LRRC4C: variants seen among roughly 807,000 people sequenced by gnomAD.
LRRC4C encodes leucine rich repeat containing 4C, also known as leucine-rich repeat-containing protein 4C.
In LRRC4C, 5 loss-of-function variants were observed where a neutral mutation model predicts 33.6. That is an observed-to-expected ratio of 0.15 (90% CI 0.08 to 0.31). LRRC4C has a LOEUF of 0.31. Among genes scored for constraint, LRRC4C ranks in the 10% least tolerant of loss-of-function variants. The pLI is 1.00. For synonymous variants in LRRC4C, 329 were observed against 302.0 expected, an observed-to-expected ratio of 1.09 and a Z score of -0.93; for missense variants, 560 against 796.7, an observed-to-expected ratio of 0.70 and a Z score of 3.58.
chr11:41,001,240 C>G (rs1416301196), intron 1 of LRRC4C, among the ~76,000 whole-genome samples: 2 of 152,072 alleles, frequency 1.3e-5, no homozygotes, highest in African/African-American at 4.8e-5. Flanking sequence ...GCCTTCAAAA[C>G]CTGGGAGTCT....
chr11:41,059,301 G>A (rs1858892025), intron 1 of LRRC4C, among the ~76,000 whole-genome samples: 1 of 134,626 alleles, frequency 7.4e-6, no homozygotes. Context: ...AAAAAACTTA[G>A]ATACGTTCCT....
intron 3 of LRRC4C, among the ~76,000 whole-genome samples, chr11:40,380,222 T>A (rs562972005): frequency 1.8e-4 from 28 of 152,308 alleles, no homozygotes; most frequent in South Asian, 1.0e-3. Flanking sequence ...GAAACAGGCG[T>A]TCTAGATGGA....
At chr11:40,948,811 A>T (rs1469948378) in intron 1 of LRRC4C, among the ~76,000 whole-genome samples, 1 of 151,628 alleles carries the variant, frequency 6.6e-6, no homozygotes, top group Non-Finnish European at 1.5e-5. Context: ...TATTGTGAAT[A>T]GTGCCACAAT....
chr11:40,208,911 C>T (rs78458946), intron 5 of LRRC4C, among the ~76,000 whole-genome samples: 10,275 of 151,296 alleles, frequency 0.068, 1,165 homozygotes, highest in African/African-American at 0.23. Flanking sequence ...CACAAGAAAA[C>T]AGTCAAATGC....
At chr11:40,987,159 T>C (rs1853075396) in intron 1 of LRRC4C, among the ~76,000 whole-genome samples, 1 of 152,196 alleles carries the variant, frequency 6.6e-6, no homozygotes. Context: ...ATCCTTCTAG[T>C]CTTTGGTACA....
intron 1 of LRRC4C, among the ~76,000 whole-genome samples, chr11:41,168,799 T>C (rs1328188299): frequency 6.6e-6 from 1 of 152,164 alleles, no homozygotes; most frequent in Non-Finnish European, 1.5e-5. Context: ...AGCGGTTGCC[T>C]ACACCAGGCA....
intron 4 of LRRC4C, among the ~76,000 whole-genome samples, chr11:40,308,586 A>G (rs1320102695): frequency 1.3e-5 from 2 of 152,180 alleles, no homozygotes; most frequent in South Asian, 4.1e-4. Flanking sequence ...AGGAGGTCAA[A>G]TACCTTATAC....
At chr11:40,801,584 AT>A (rs1951044659) in intron 2 of LRRC4C, among the ~76,000 whole-genome samples, 1 of 152,162 alleles carries the variant, frequency 6.6e-6, no homozygotes, top group African/African-American at 2.4e-5. Context: ...CTCAAACAAC[AT>A]TTGTTGTATA....
chr11:40,211,900 T>C (rs1863630589), intron 5 of LRRC4C, among the ~76,000 whole-genome samples: 1 of 152,184 alleles, frequency 6.6e-6, no homozygotes, highest in Non-Finnish European at 1.5e-5. Context: ...AGCTTTGTAT[T>C]AGAATGTTGG....
chr11:40,171,959 G>A (rs955074838), intron 5 of LRRC4C, among the ~76,000 whole-genome samples: 15 of 152,122 alleles, frequency 9.9e-5, no homozygotes, highest in East Asian at 1.9e-4. Flanking sequence ...GGAGGTTGCC[G>A]TAAGCTGAGA....
intron 1 of LRRC4C, among the ~76,000 whole-genome samples, chr11:41,207,798 CA>C (rs1334856322): frequency 1.3e-5 from 2 of 152,152 alleles, no homozygotes; most frequent in Non-Finnish European, 2.9e-5. Context: ...TTAATCCACC[CA>C]CTCTGTAGTA....
intron 2 of LRRC4C, among the ~76,000 whole-genome samples, chr11:40,694,057 A>G (rs984195318): frequency 6.6e-6 from 1 of 152,182 alleles, no homozygotes. Context: ...GATGAAAGGC[A>G]AAGCATACTA....
chr11:41,162,568 C>A (rs543244812), intron 1 of LRRC4C, among the ~76,000 whole-genome samples: 1 of 152,136 alleles, frequency 6.6e-6, no homozygotes, highest in Admixed American at 6.6e-5. Flanking sequence ...TAGCCTATTG[C>A]TCCTTAGGCT....
intron 1 of LRRC4C, among the ~76,000 whole-genome samples, chr11:41,034,080 G>T (rs1420436495): frequency 6.6e-6 from 1 of 151,882 alleles, no homozygotes; most frequent in Non-Finnish European, 1.5e-5. Flanking sequence ...CATTGCTATG[G>T]TTTACATGTG....
intron 1 of LRRC4C, among the ~76,000 whole-genome samples, chr11:41,253,152 A>G (rs1398945002): frequency 1.3e-5 from 2 of 152,150 alleles, no homozygotes; most frequent in African/African-American, 4.8e-5. Context: ...GCACCAATGG[A>G]ACAGATCTGA....
chr11:40,761,033 T>C (rs1179886948), intron 2 of LRRC4C, among the ~76,000 whole-genome samples: 1 of 151,612 alleles, frequency 6.6e-6, no homozygotes, highest in Non-Finnish European at 1.5e-5. Flanking sequence ...TGATGGAATA[T>C]TTTATGACAT....
At chr11:40,910,588 T>A (rs898543595) in intron 2 of LRRC4C, among the ~76,000 whole-genome samples, 2 of 152,170 alleles carry the variant, frequency 1.3e-5, no homozygotes, top group African/African-American at 2.4e-5. Flanking sequence ...GACGGCTGAA[T>A]AGGAACAGCT....
intron 4 of LRRC4C, among the ~76,000 whole-genome samples, chr11:40,291,299 C>T (rs1334068187): frequency 1.3e-5 from 2 of 152,154 alleles, no homozygotes; most frequent in Admixed American, 6.5e-5. Flanking sequence ...TTTATATTGG[C>T]CTCTTTTTCC....
intron 1 of LRRC4C, among the ~76,000 whole-genome samples, chr11:41,352,977 G>A (rs2137586605): frequency 6.6e-6 from 1 of 151,986 alleles, no homozygotes; most frequent in East Asian, 1.9e-4. Flanking sequence ...AAAAACAAGA[G>A]CACATCAACC....
Sources: allele counts gnomAD v4.1 joint callset (sites outside exome capture counted in the v4.1 genomes callset), GRCh38; gene constraint gnomAD v4.1.1; transcripts MANE v1.5; gene names NCBI Gene and HGNC (gene_info 2026-07-23, HGNC 2026-07-21).